Variants in ATG4B observed in about 807,000 individuals in gnomAD.
ATG4B encodes cysteine protease ATG4B.
In ATG4B, 29 loss-of-function variants were observed where a neutral mutation model predicts 56.6. That is an observed-to-expected ratio of 0.51 (90% CI 0.38 to 0.70). The LOEUF (loss-of-function observed/expected upper bound fraction) is 0.70. Among genes scored for constraint, ATG4B ranks in the 30% least tolerant of loss-of-function variants. The probability of loss-of-function intolerance (pLI) is 0.00; values close to 1 mark genes in which losing one functional copy is unlikely to be tolerated. For missense variants in ATG4B, 461 were observed against 515.5 expected, an observed-to-expected ratio of 0.89 and a Z score of 1.02; for synonymous variants, 224 against 206.1, an observed-to-expected ratio of 1.09 and a Z score of -0.74.
At chr2:241,638,223 C>G (rs1164505187) in intron 1 of ATG4B, 1 of 152,368 alleles carries the variant, frequency 6.6e-6, no homozygotes, top group African/African-American at 2.4e-5. Context: ...GTGTTCATCA[C>G]AGTATACGTA....
chr2:241,641,432 C>T (rs1005537481), intron 1 of ATG4B, among the ~76,000 whole-genome samples: 2 of 151,978 alleles, frequency 1.3e-5, no homozygotes, highest in African/African-American at 4.8e-5. Context: ...CGCCTGTGAT[C>T]CCAGCTACGC....
At chr2:241,653,990 G>GAAA (rs34757883) in intron 4 of ATG4B, among the ~76,000 whole-genome samples, 115 of 71,742 alleles carry the variant, frequency 1.6e-3, no homozygotes, top group Non-Finnish European at 2.3e-3. Context: ...GACCCTATCT[G>GAAA]AAAAAAAAAA....
In ATG4B at chr2:241,651,941, C is replaced by T. The variant is rs574934596; in HGVS notation, c.184+606C>T. 310 of 1,304,094 alleles carry T rather than the reference C, an allele frequency of 2.4e-4. 1 individual carries two copies. In the African/African-American group the frequency reaches 4.2e-3, roughly 18 times the overall value. 80.8% of individuals were successfully genotyped at this position (1,304,094 alleles called of 1,614,324 possible). ...AAGGAGATGGGGACTGGTTCTCAGCCTTGCCTCTCACCGGCGGAGAACTGA... is the reference window on the plus strand; with the variant it reads ...AAGGAGATGGGGACTGGTTCTCAGCTTTGCCTCTCACCGGCGGAGAACTGA... On this transcript the variant is annotated intron_variant, in intron 3 of 12. Transcript: ENST00000404914. This position sits in a 1 kb window ranked among gnomAD's most constrained non-coding sequence, Gnocchi z 4.1.
At chr2:241,653,667 G>C in intron 4 of ATG4B, 57 bp downstream of exon 4, 1 of 1,499,398 alleles carries the variant, frequency 6.7e-7, no homozygotes, top group South Asian at 1.2e-5. Context: ...AAGCAAAGGG[G>C]ACTGTGGGGT....
chr2:241,651,663 A>G lies in ATG4B; in HGVS notation c.184+328A>G, dbSNP rs2068235038. 6.6e-6 allele frequency among the ~76,000 whole-genome samples: 1 copy of G among 152,266 alleles called. No individual in the cohort carries two copies. Among genetic ancestry groups the G allele is most frequent in the Non-Finnish European group, 1.5e-5 (1 of 68,050 alleles). ...TGTGTGTCCGCCACGGGCACGCAGC[A>G]TGGCGCTTCAGGGATCTTCGTTTTC... On this transcript the variant is annotated intron_variant, in intron 3 of 12. Transcript: ENST00000404914. This position sits in a 1 kb window ranked among gnomAD's most constrained non-coding sequence, Gnocchi z 4.1.
rs2068844507 is a variant in ATG4B at position 241,668,337 on chromosome 2, C to T, written c.811+116C>T. 3.6e-6 allele frequency: 5 copies of T among 1,398,106 alleles called. No homozygotes were observed. In the East Asian group the frequency reaches 1.0e-4, roughly 28 times the overall value. 86.6% of individuals were successfully genotyped at this position (1,398,106 alleles called of 1,614,324 possible). A position where few individuals can be genotyped will look rare whatever the true frequency, so the allele number is the denominator to read the frequency against. ...GGCCACTGGTGGAAAAGCAGCATGCCCTGGGGTTCATTTTCAGCCTGGTCG... is the reference window on the plus strand; with the variant it reads ...GGCCACTGGTGGAAAAGCAGCATGCTCTGGGGTTCATTTTCAGCCTGGTCG... On this transcript the variant is annotated intron_variant, in intron 9 of 12. Coordinates refer to ENST00000404914, the MANE Select transcript of ATG4B (RefSeq NM_013325.5). This position sits in a 1 kb window ranked among gnomAD's most constrained non-coding sequence, Gnocchi z 4.2.
In ATG4B at chr2:241,653,596, G is replaced by A. The variant is rs143448469; in HGVS notation, c.269G>A (p.Arg90Gln). The change falls in exon 4 of 13, where the codon CGG becomes CAG. Residue 90 changes from arginine to glutamine, a missense_variant. Arg to Gln is a conservative substitution (Grantham distance 43). Coordinates refer to ENST00000404914, the MANE Select transcript of ATG4B (RefSeq NM_013325.5). ...QMIFAQALVC[R>Q]HLGRDWRWTQ... is the part of the protein sequence containing the mutation. ...ATCTTTGCCCAAGCCCTGGTGTGCC[G>A]GCACCTAGGCCGAGGTGAGTCACAG... 12,896 of 1,568,218 alleles carry A rather than the reference G, an allele frequency of 8.2e-3. 69 individuals are homozygous for A. Among genetic ancestry groups the A allele is most frequent in the Middle Eastern group, 0.012 (71 of 6,024 alleles).
chr2:241,654,369 C>T (rs572788961), intron 4 of ATG4B, among the ~76,000 whole-genome samples, 177 bp from the exon 5 acceptor site: 5 of 147,576 alleles, frequency 3.4e-5, no homozygotes, highest in South Asian at 2.1e-4. Flanking sequence ...TGCAGTGAGC[C>T]GAGATCACGC....
chr2:241,641,384 A>C (rs915201434), intron 1 of ATG4B, among the ~76,000 whole-genome samples: 1 of 152,246 alleles, frequency 6.6e-6, no homozygotes, highest in East Asian at 1.9e-4. Flanking sequence ...CCCCGTCGCT[A>C]CTAAAAATAC....
Position 241,651,658 on chromosome 2 carries a change from G to A in ATG4B, c.184+323G>A, listed in dbSNP as rs539477956. ...AGCGGTGTGTGTCCGCCACGGGCAC[G>A]CAGCATGGCGCTTCAGGGATCTTCG... is the stretch of plus-strand genomic sequence containing the variant. On this transcript the variant is annotated intron_variant, in intron 3 of 12. Transcript: ENST00000404914. The surrounding 1 kb of genome is among the most constrained non-coding windows in gnomAD (Gnocchi z 4.1). Among the ~76,000 whole-genome samples, 21 of 152,354 alleles carry A rather than the reference G, an allele frequency of 1.4e-4. No homozygotes were observed. The South Asian group carries it at 2.9e-3, about 21-fold the overall frequency.
chr2:241,672,155 C>A, intron 12 of ATG4B, 36 bp from the exon 13 acceptor site: 1 of 1,555,930 alleles, frequency 6.4e-7, no homozygotes, highest in Non-Finnish European at 8.7e-7. Context: ...GTGGCCCACC[C>A]AAGATGCCTG....
intron 3 of ATG4B, among the ~76,000 whole-genome samples, chr2:241,652,654 G>T (rs751432397): frequency 6.6e-6 from 1 of 152,258 alleles, no homozygotes; most frequent in South Asian, 2.1e-4. Flanking sequence ...ACACCACCAC[G>T]CCTGGCTCTG....
At chr2:241,656,161 G>C (rs908286130) in intron 6 of ATG4B, among the ~76,000 whole-genome samples, 10 of 151,994 alleles carry the variant, frequency 6.6e-5, no homozygotes, top group African/African-American at 2.4e-4. Flanking sequence ...GGCATCCCAC[G>C]TTCCACATTC....
At chr2:241,656,532 G>A (rs990966382) in intron 6 of ATG4B, among the ~76,000 whole-genome samples, 1 of 152,106 alleles carries the variant, frequency 6.6e-6, no homozygotes, top group Non-Finnish European at 1.5e-5. Context: ...CAGGCCACTC[G>A]CCATGCTCGC....
intron 8 of ATG4B, among the ~76,000 whole-genome samples, chr2:241,667,661 C>G (rs1026719287): frequency 1.3e-5 from 2 of 151,128 alleles, no homozygotes; most frequent in African/African-American, 4.9e-5. Flanking sequence ...TCAGGTAACT[C>G]AAATTTTAGA....
intron 1 of ATG4B, among the ~76,000 whole-genome samples, chr2:241,642,898 T>TTTA: frequency 7.1e-6 from 1 of 141,006 alleles, no homozygotes; most frequent in Non-Finnish European, 1.5e-5. Context: ...TTTTTTTTTT[T>TTTA]AAGACGGAGT....
Position 241,654,392 on chromosome 2 carries a change from T to G in ATG4B, c.284-154T>G, listed in dbSNP as rs193228100. On this transcript the variant is annotated intron_variant, in intron 4 of 12. Transcript: ENST00000404914. ...GCCGAGATCACGCCATTGCACTCCA[T>G]CCTGGGTGAGAGAGCGAGACTCTGT... 7.4e-3 allele frequency among the ~76,000 whole-genome samples: 1,002 copies of G among 135,058 alleles called. 14 individuals carry two copies. Among genetic ancestry groups the G allele is most frequent in the African/African-American group, 0.025 (883 of 35,400 alleles). 88.6% of individuals were successfully genotyped at this position (135,058 alleles called of 152,430 possible).
chr2:241,671,440 A>C (rs2068966736), intron 12 of ATG4B, 35 bp downstream of exon 12: 1 of 1,609,228 alleles, frequency 6.2e-7, no homozygotes, highest in Admixed American at 1.7e-5. Context: ...GGTCCCTCGG[A>C]GGTACGATCT....
chr2:241,640,359 T>C (rs2125109707), intron 1 of ATG4B, among the ~76,000 whole-genome samples: 1 of 152,352 alleles, frequency 6.6e-6, no homozygotes, highest in Middle Eastern at 3.4e-3. Flanking sequence ...TCTGACTTGA[T>C]GCTGTATTTC....
Sources: gnomAD v4.1 joint callset for allele counts (sites outside exome capture counted in the v4.1 genomes callset) on GRCh38, gnomAD v4.1.1 for gene constraint, Gnocchi (gnomAD v3.1) non-coding constraint, MANE v1.5 for transcripts, NCBI Gene and HGNC (gene_info 2026-07-23, HGNC 2026-07-21) for gene names.